Variants in DMBT1 observed in about 807,000 individuals in gnomAD.
The protein encoded by DMBT1 is scavenger receptor cysteine-rich domain-containing protein DMBT1.
DMBT1 carries 198 observed loss-of-function variants against 252.9 expected under a neutral mutation model. That is an observed-to-expected ratio of 0.78 (90% CI 0.70 to 0.88). The LOEUF (loss-of-function observed/expected upper bound fraction) is 0.88, where lower values mean the gene tolerates loss of function less well. Among genes scored for constraint, DMBT1 ranks in the 40% least tolerant of loss-of-function variants. DMBT1 has a pLI of 0.00. For synonymous variants in DMBT1, 990 were observed against 942.7 expected (o/e 1.05, Z -0.92); for missense variants, 2,432 against 2,404.7 (o/e 1.01, Z -0.24).
rs1566002208 is a variant in DMBT1, at chr10:122,634,365, TTTCTTTC to T, written c.6548+1027_6548+1033del. Among the ~76,000 whole-genome samples the T allele has an allele frequency of 4.7e-5, 5 of 105,514 alleles. No individual in the cohort carries two copies. The South Asian group carries it at 1.2e-3, about 25-fold the overall frequency. 69.2% of individuals were successfully genotyped at this position (105,514 alleles called of 152,430 possible). A position where few individuals can be genotyped will look rare whatever the true frequency, so the allele number is the denominator to read the frequency against. On this transcript the variant is annotated intron_variant, in intron 52 of 55. Transcript: ENST00000338354. Reference sequence around the variant, plus strand: ...TTTTCTTTCTTTCTTTCTTTCTTTCTTTCTTTCTTTCTTTCTTTCTTTCTTTCTTTCT... The same window carrying T: ...TTTTCTTTCTTTCTTTCTTTCTTTCTTTTCTTTCTTTCTTTCTTTCTTTCT...
intron 1 of DMBT1, among the ~76,000 whole-genome samples, chr10:122,562,079 A>G (rs1204088511): frequency 4.2e-5 from 5 of 120,410 alleles, no homozygotes; most frequent in African/African-American, 1.6e-4. Context: ...TTTCCTCCCT[A>G]TTTCTCTCTC....
intron 19 of DMBT1, 34 bp from the exon 20 acceptor site, chr10:122,592,238 G>A (rs768516406): frequency 6.3e-7 from 1 of 1,582,164 alleles, no homozygotes. Context: ...CCTCATGGTA[G>A]GGATGGATAA....
In DMBT1 at chr10:122,585,297, G is replaced by T; in HGVS notation, c.1447G>T (p.Ala483Ser). ...PDTLPTITLP[A>S]STVGSESSLA... ...CACGTTGCCGACCATCACCTTACCT[G>T]CATCGACAGTAGGTAAATAATCCTC... Residue 483 changes from alanine (A) to serine (S), a missense_variant, in exon 15 of 56, where the codon GCA (alanine) becomes TCA (serine). This residue lies in a region of DMBT1 where 1,264 missense variants were observed against 1,082.2 expected (regional missense o/e 1.17). Coordinates refer to ENST00000338354, the MANE Select transcript of DMBT1 (RefSeq NM_001377530.1). 12 of 1,586,530 alleles carry T rather than the reference G, an allele frequency of 7.6e-6. 1 individual carries two copies. Among genetic ancestry groups the T allele is most frequent in the Non-Finnish European group, 1.0e-5 (12 of 1,164,330 alleles).
chr10:122,624,180 G>A (rs1471910797), intron 44 of DMBT1, among the ~76,000 whole-genome samples: 1 of 152,114 alleles, frequency 6.6e-6, no homozygotes, highest in East Asian at 1.9e-4. Flanking sequence ...CCTGCTGCAG[G>A]GGCACTTGAG....
At chr10:122,566,123 T>C in intron 2 of DMBT1, 127 bp downstream of exon 2, 2 of 959,100 alleles carry the variant, frequency 2.1e-6, no homozygotes, top group Non-Finnish European at 1.6e-6. Context: ...AATGCAGGAA[T>C]GCCGGGGGGA....
rs1223456344 is a variant in DMBT1 at position 122,586,232 on chromosome 10, A to G, written c.1632A>G (p.Pro544=). The G allele has an allele frequency of 6.3e-7, 1 of 1,588,934 alleles. No individual in the cohort carries two copies. Among genetic ancestry groups the G allele is most frequent in the East Asian group, 2.3e-5 (1 of 42,718 alleles). Residue 544 remains proline (P), a synonymous_variant, in exon 16 of 56, where the codon CCA becomes CCG. Transcript: ENST00000338354. ...GCTGTGGCTGGGCCATGTTGGCCCC[A>G]GGAAATGCCCGGTTTGGTCAGGGCT... ...QLGCGWAMLA[P]GNARFGQGSG...
At chr10:122,562,208 T>C (rs1456840986) in intron 1 of DMBT1, among the ~76,000 whole-genome samples, 1 of 152,196 alleles carries the variant, frequency 6.6e-6, no homozygotes, top group Non-Finnish European at 1.5e-5. Context: ...CTGCCTTTTT[T>C]TTCTTTTATG....
intron 9 of DMBT1, 69 bp from the exon 10 acceptor site, chr10:122,579,509 T>C (rs1591259120): frequency 1.2e-6 from 2 of 1,608,174 alleles, no homozygotes; most frequent in East Asian, 4.5e-5. Flanking sequence ...GTACCCTGAG[T>C]GTGGAACTTA....
chr10:122,598,214 C>T lies in DMBT1; in HGVS notation c.2956+202C>T, dbSNP rs965809634. Among the ~76,000 whole-genome samples the T allele has an allele frequency of 3.9e-5, 6 of 151,978 alleles. 1 individual carries two copies. The highest frequency in any genetic ancestry group is 2.6e-4 in the Admixed American group (4 of 15,276). ...TGGAGGGTGCTGGTGACTTGTCTCC[C>T]GTGGAATCCTGTTCCAAGTGGTCAG... On this transcript the variant is annotated intron_variant, in intron 25 of 55. Coordinates refer to ENST00000338354, the MANE Select transcript of DMBT1 (RefSeq NM_001377530.1).
At chr10:122,637,561 G>A (rs1274826774) in intron 54 of DMBT1, among the ~76,000 whole-genome samples, 5 of 152,192 alleles carry the variant, frequency 3.3e-5, no homozygotes, top group Admixed American at 1.3e-4. Context: ...CTGGCAGACC[G>A]CCACTCCCAT....
chr10:122,592,456 G>A lies in DMBT1; in HGVS notation c.2361G>A (p.Arg787=). 2 of 1,588,276 alleles carry A rather than the reference G, an allele frequency of 1.3e-6. No individual in the cohort carries two copies. The highest frequency in any genetic ancestry group is 1.3e-5 in the African/African-American group (1 of 74,562). ...CCACGTCGGCCCCAGGAAATGCCCG[G>A]TTTGGCCAGGGCTCAGGACCCATTG... ...GWATSAPGNA[R]FGQGSGPIVL... The change falls in exon 20 of 56, where the codon CGG becomes CGA. Residue 787 remains arginine (R), a synonymous_variant. Transcript: ENST00000338354.
rs2097713751 is a variant in DMBT1, at chr10:122,576,511, C to A, written c.396C>A (p.Asp132Glu). The A allele has an allele frequency of 6.2e-7, 1 of 1,613,834 alleles. No individual in the cohort carries two copies. The highest frequency in any genetic ancestry group is 8.5e-7 in the Non-Finnish European group (1 of 1,179,900). The part of the protein sequence containing the change: ...SWGTVCDDSW[D>E]TNDANVVCRQ... ...GCACCGTGTGTGATGACAGCTGGGA[C>A]ACCAATGATGCCAACGTGGTCTGTA... is the stretch of plus-strand genomic sequence containing the variant. The change falls in exon 7 of 56, where the codon GAC becomes GAA. Residue 132 changes from aspartate to glutamate, a missense_variant. Asp to Glu is a conservative substitution (Grantham distance 45). Around this residue, in one of 3 missense-constraint regions of DMBT1, gnomAD observed 1,264 missense variants for 1,082.2 expected, o/e 1.17. Transcript: ENST00000338354.
chr10:122,618,390 G>A (rs753146984), intron 41 of DMBT1, 50 bp downstream of exon 41: 12 of 1,613,220 alleles, frequency 7.4e-6, no homozygotes, highest in Non-Finnish European at 8.5e-6. Context: ...AGTTTGCTCA[G>A]GAAGAAAATC....
At position 122,638,060 on chromosome 10, in the gene DMBT1, A is replaced by C. The variant is rs114763673; in HGVS notation, c.6942+748A>C. Among the ~76,000 whole-genome samples the C allele has an allele frequency of 6.3e-3, 954 of 152,298 alleles. 10 individuals are homozygous for C. Among genetic ancestry groups the C allele is most frequent in the African/African-American group, 0.022 (911 of 41,560 alleles). ...AGCATAGAAAGTCCCACGTTCCAGGAAACCCCTCACTCCCAGGCAAATGAG... is the reference window on the plus strand; with the variant it reads ...AGCATAGAAAGTCCCACGTTCCAGGCAACCCCTCACTCCCAGGCAAATGAG... On this transcript the variant is annotated intron_variant, in intron 54 of 55. Transcript: ENST00000338354.
chr10:122,561,933 T>G (rs552646911), intron 1 of DMBT1, among the ~76,000 whole-genome samples: 7 of 150,824 alleles, frequency 4.6e-5, no homozygotes, highest in African/African-American at 1.5e-4. Flanking sequence ...CTTCAACTAT[T>G]GGGCAACTAT....
chr10:122,599,410 G>C (rs958277790), intron 26 of DMBT1, among the ~76,000 whole-genome samples: 16 of 152,198 alleles, frequency 1.1e-4, no homozygotes, highest in Admixed American at 8.5e-4. Context: ...CGGTGTGAGG[G>C]TATAATGGAT....
intron 46 of DMBT1, 123 bp from the exon 47 acceptor site, chr10:122,629,717 G>A (rs1371150297): frequency 6.6e-6 from 8 of 1,218,212 alleles, no homozygotes; most frequent in South Asian, 1.6e-5. Context: ...TTGTTTACAG[G>A]GAAAGTTAAG....
chr10:122,566,346 T>TTACC (rs2097592336), intron 2 of DMBT1, among the ~76,000 whole-genome samples: 1 of 149,700 alleles, frequency 6.7e-6, no homozygotes, highest in Admixed American at 6.6e-5. Flanking sequence ...GGAGTCTTGC[T>TTACC]CTGTCACCAG....
At chr10:122,573,803 C>T in intron 6 of DMBT1, 41 bp downstream of exon 6, 5 of 1,601,542 alleles carry the variant, frequency 3.1e-6, no homozygotes, top group Non-Finnish European at 4.3e-6. Context: ...CTCATTACCC[C>T]CCTGCACCCC....
Sources: allele counts gnomAD v4.1 joint callset (sites outside exome capture counted in the v4.1 genomes callset), GRCh38; gene constraint gnomAD v4.1.1; regional missense constraint gnomAD v4.1.1; transcripts MANE v1.5; gene names NCBI Gene and HGNC (gene_info 2026-07-23, HGNC 2026-07-21).